ZFPM2: variants seen among roughly 807,000 people sequenced by gnomAD.
The protein encoded by ZFPM2 is zinc finger protein ZFPM2.
In ZFPM2, 20 loss-of-function variants were observed where a neutral mutation model predicts 98.6. That is an observed-to-expected ratio of 0.20 (90% CI 0.14 to 0.29). The LOEUF (loss-of-function observed/expected upper bound fraction) is 0.29, where lower values mean the gene tolerates loss of function less well. ZFPM2 is among the 10% of genes least tolerant of loss of function. ZFPM2 has a pLI of 1.00. For synonymous variants in ZFPM2, 518 were observed against 502.7 expected (o/e 1.03, Z -0.41); for missense variants, 1,310 against 1,388.6 (o/e 0.94, Z 0.90).
intron 4 of ZFPM2, among the ~76,000 whole-genome samples, chr8:105,576,893 A>AT (rs759473448): frequency 6.6e-6 from 1 of 152,104 alleles, no homozygotes; most frequent in Non-Finnish European, 1.5e-5. Context: ...GTGCCTTCCT[A>AT]TAATGGTTTA....
At chr8:105,364,186 C>T (rs557709371) in intron 1 of ZFPM2, among the ~76,000 whole-genome samples, 24 of 152,110 alleles carry the variant, frequency 1.6e-4, no homozygotes, top group African/African-American at 5.1e-4. Context: ...ATATGAGCTA[C>T]ATTTTACTAA....
chr8:105,378,812 A>C (rs1290397204), intron 1 of ZFPM2, among the ~76,000 whole-genome samples: 2 of 152,166 alleles, frequency 1.3e-5, no homozygotes, highest in Admixed American at 6.5e-5. Context: ...GATATTTGCC[A>C]CTACTCTAGT....
intron 5 of ZFPM2, among the ~76,000 whole-genome samples, chr8:105,723,700 G>A (rs868207531): frequency 1.3e-5 from 2 of 151,768 alleles, no homozygotes; most frequent in Admixed American, 6.6e-5. Flanking sequence ...TCGGGGGTTA[G>A]CAGCTTTATA....
intron 1 of ZFPM2, among the ~76,000 whole-genome samples, chr8:105,354,003 T>C (rs1812695054): frequency 1.3e-5 from 2 of 152,170 alleles, no homozygotes; most frequent in Admixed American, 1.3e-4. Context: ...TCCTGGATCA[T>C]CGTTGTCCAG....
chr8:105,441,452 G>GAGAGAGAA (rs758403420), intron 2 of ZFPM2, among the ~76,000 whole-genome samples: 4 of 38,930 alleles, frequency 1.0e-4, no homozygotes, highest in Non-Finnish European at 1.7e-4. Context: ...GAGAGAGAGA[G>GAGAGAGAA]AGAAAGAAAG....
intron 3 of ZFPM2, among the ~76,000 whole-genome samples, chr8:105,546,031 G>C (rs1330732966): frequency 1.3e-5 from 2 of 152,120 alleles, no homozygotes; most frequent in South Asian, 4.1e-4. Context: ...GTACCAGTGT[G>C]GGGTTACTGT....
chr8:105,334,117 AC>A (rs2129638677), intron 1 of ZFPM2, among the ~76,000 whole-genome samples: 1 of 109,114 alleles, frequency 9.2e-6, no homozygotes, highest in South Asian at 2.9e-4. Context: ...CTAGTAATAA[AC>A]TGTGTGTGTG....
At position 105,657,669 on chromosome 8, in the gene ZFPM2, CA is replaced by C. The variant is rs776900741; in HGVS notation, c.532+23313del. 2.6e-4 allele frequency among the ~76,000 whole-genome samples: 39 copies of C among 152,268 alleles called. 1 individual carries two copies. The highest frequency in any genetic ancestry group is 1.9e-4 in the Non-Finnish European group (13 of 68,026). ...GTACTTTATAAGCAAACCTTGTATGCAGTATCTCCTTGTAGCTACTTCACAA... is the reference window on the plus strand; with the variant it reads ...GTACTTTATAAGCAAACCTTGTATGCGTATCTCCTTGTAGCTACTTCACAA... On this transcript the variant is annotated intron_variant, in intron 5 of 7. Transcript: ENST00000407775.
intron 5 of ZFPM2, chr8:105,737,179 C>T (rs1258471472): frequency 1.3e-5 from 2 of 151,998 alleles, no homozygotes; most frequent in Non-Finnish European, 2.9e-5. Flanking sequence ...AAGATTTCCT[C>T]TCAAATTATT....
At chr8:105,525,501 A>T in intron 3 of ZFPM2, among the ~76,000 whole-genome samples, 1 of 152,160 alleles carries the variant, frequency 6.6e-6, no homozygotes, top group East Asian at 1.9e-4. Flanking sequence ...GACAGAAGAG[A>T]TTTTTGCTCT....
intron 4 of ZFPM2, among the ~76,000 whole-genome samples, chr8:105,590,059 A>G (rs1453551009): frequency 1.3e-5 from 2 of 152,110 alleles, no homozygotes; most frequent in African/African-American, 2.4e-5. Flanking sequence ...TTACAGCTGC[A>G]TATGCTATCT....
At chr8:105,797,232 T>G (rs529823144) in intron 6 of ZFPM2, 1 of 152,136 alleles carries the variant, frequency 6.6e-6, no homozygotes, top group South Asian at 2.1e-4. Flanking sequence ...CACCTATAAG[T>G]GGATGAAGGG....
intron 1 of ZFPM2, among the ~76,000 whole-genome samples, chr8:105,417,732 C>G (rs1811707092): frequency 6.6e-6 from 1 of 152,130 alleles, no homozygotes; most frequent in Admixed American, 6.6e-5. Flanking sequence ...AGATGCATGA[C>G]TTTTGAATGT....
At chr8:105,413,501 T>TAC (rs1002894490) in intron 1 of ZFPM2, among the ~76,000 whole-genome samples, 2 of 140,282 alleles carry the variant, frequency 1.4e-5, no homozygotes, top group African/African-American at 5.4e-5. Context: ...TATATATATA[T>TAC]ATATATACAC....
intron 1 of ZFPM2, among the ~76,000 whole-genome samples, chr8:105,351,447 C>A (rs1422114383): frequency 6.6e-6 from 1 of 150,984 alleles, no homozygotes; most frequent in Non-Finnish European, 1.5e-5. Flanking sequence ...GATGTGGAAA[C>A]CTCAGATAAG....
chr8:105,326,621 T>C (rs1013550483), intron 1 of ZFPM2, among the ~76,000 whole-genome samples: 1 of 151,680 alleles, frequency 6.6e-6, no homozygotes, highest in African/African-American at 2.4e-5. Context: ...AGTATTCCCA[T>C]GTATGTAAAG....
intron 4 of ZFPM2, among the ~76,000 whole-genome samples, chr8:105,625,646 T>C (rs556320477): frequency 6.6e-6 from 1 of 151,814 alleles, no homozygotes; most frequent in Non-Finnish European, 1.5e-5. Context: ...AGTGGTGCGA[T>C]CTCGGCTCAC....
intron 5 of ZFPM2, among the ~76,000 whole-genome samples, chr8:105,779,031 C>T (rs948164662): frequency 2.0e-5 from 3 of 151,550 alleles, no homozygotes; most frequent in East Asian, 3.9e-4. Context: ...GACTTAATGG[C>T]GATGCTATGC....
At chr8:105,517,737 A>ACACACACC (rs1813965914) in intron 3 of ZFPM2, among the ~76,000 whole-genome samples, 1 of 150,394 alleles carries the variant, frequency 6.6e-6, no homozygotes, top group Non-Finnish European at 1.5e-5. Flanking sequence ...ACACACACAC[A>ACACACACC]CACACCCCTA....
Sources: allele counts gnomAD v4.1 joint callset (sites outside exome capture counted in the v4.1 genomes callset), GRCh38; gene constraint gnomAD v4.1.1; transcripts MANE v1.5; gene names NCBI Gene and HGNC (gene_info 2026-07-23, HGNC 2026-07-21).